The following PANK2 variants were observed in gnomAD, a reference collection of about 807,000 sequenced individuals.
PANK2 encodes pantothenate kinase 2, also known as pantothenate kinase 2, mitochondrial.
PANK2 carries 36 observed loss-of-function variants against 43.1 expected under a neutral mutation model. The ratio of observed to expected loss-of-function variants is 0.84; its 90% CI spans 0.64 to 1.10. The LOEUF is 1.10. Ranked by LOEUF, PANK2 falls within the 50% of genes least tolerant of loss-of-function variation. PANK2 has a pLI of 0.00. For missense variants in PANK2, 576 were observed against 593.3 expected (o/e 0.97, Z 0.30); for synonymous variants, 281 against 238.2 (o/e 1.18, Z -1.66).
chr20:3,920,899 G>C (rs777081343), intron 6 of PANK2, among the ~76,000 whole-genome samples: 12 of 152,084 alleles, frequency 7.9e-5, no homozygotes, highest in Non-Finnish European at 1.8e-4. Context: ...ATAAGCCTTC[G>C]TGAAATTCTT....
chr20:3,888,952 ACGCTGCG>A, upstream of PANK2: 3 of 558,474 alleles, frequency 5.4e-6, no homozygotes, highest in Non-Finnish European at 9.0e-6. Context: ...CAGCGGCCAG[ACGCTGCG>A]GGAGCACTGC....
intron 1 of PANK2, among the ~76,000 whole-genome samples, chr20:3,897,211 A>T (rs1600502057): frequency 6.6e-6 from 1 of 152,224 alleles, no homozygotes; most frequent in Non-Finnish European, 1.5e-5. Flanking sequence ...AAAGGATTTC[A>T]GTCGTTGAGA....
At chr20:3,923,193 T>C in intron 6 of PANK2, 51 bp from the exon 7 acceptor site, 2 of 1,593,252 alleles carry the variant, frequency 1.3e-6, no homozygotes, top group Non-Finnish European at 1.7e-6. Flanking sequence ...GTAAGGTGAT[T>C]TGAATAAGTC....
At chr20:3,901,434 A>ATT in intron 1 of PANK2, 2 of 182,034 alleles carry the variant, frequency 1.1e-5, no homozygotes, top group Non-Finnish European at 2.1e-5. Context: ...TGTGAAAGTC[A>ATT]TTTTTTTTTT....
rs78366707 is a variant in PANK2 at position 3,900,341 on chromosome 20, T to G, written c.299-7585T>G. On this transcript the variant is annotated intron_variant, in intron 1 of 6. Transcript: ENST00000610179. ...TTGTCTGGAGGGGCACCTCTTGTAATGTGAGCATAGCTCTTTGCCAAATGA... is the reference window on the plus strand; with the variant it reads ...TTGTCTGGAGGGGCACCTCTTGTAAGGTGAGCATAGCTCTTTGCCAAATGA... Among the ~76,000 whole-genome samples the G allele has an allele frequency of 1.7e-3, 252 of 151,944 alleles. 1 individual carries two copies. The highest frequency in any genetic ancestry group is 5.7e-3 in the African/African-American group (237 of 41,518).
intron 4 of PANK2, among the ~76,000 whole-genome samples, chr20:3,916,652 T>G (rs1219138179): frequency 2.0e-5 from 3 of 152,206 alleles, no homozygotes; most frequent in African/African-American, 7.2e-5. Context: ...CCAGTGCATC[T>G]GATGAGATTC....
In PANK2 at chr20:3,897,000, T is replaced by C. The variant is rs185793542; in HGVS notation, c.298+7272T>C. Among the ~76,000 whole-genome samples the C allele has an allele frequency of 3.3e-5, 5 of 152,214 alleles. No individual in the cohort carries two copies. The East Asian group carries it at 9.7e-4, about 29-fold the overall frequency. ...TGGCAGAGGTGTGGTGGAGGAGCAG[T>C]CTTGAGGGACTTAGCCCTCGACCTG... On this transcript the variant is annotated intron_variant, in intron 1 of 6. Coordinates refer to ENST00000610179, the MANE Select transcript of PANK2 (RefSeq NM_001386393.1).
chr20:3,889,601 G>T lies in PANK2; in HGVS notation c.171G>T (p.Ala57=). Residue 57 remains alanine (A), a synonymous_variant, in exon 1 of 7, where the codon GCG becomes GCT. Transcript: ENST00000610179. ...GGCAGGAGCCACTGCGGCGCCGGGCGAGCAGCGCGTCGGTGCCCGCGGTCG... is the reference window on the plus strand; with the variant it reads ...GGCAGGAGCCACTGCGGCGCCGGGCTAGCAGCGCGTCGGTGCCCGCGGTCG... The T allele has an allele frequency of 6.6e-7, 1 of 1,518,116 alleles. No individual in the cohort carries two copies. The highest frequency in any genetic ancestry group is 1.2e-5 in the South Asian group (1 of 82,944). The allele number at this position is 1,518,116 out of a possible 1,614,324, so 94.0% of individuals were successfully genotyped here. A position where few individuals can be genotyped will look rare whatever the true frequency, so the allele number is the denominator to read the frequency against.
chr20:3,889,365 G>A, upstream of PANK2: 1 of 1,577,526 alleles, frequency 6.3e-7, no homozygotes, highest in Non-Finnish European at 8.6e-7. Flanking sequence ...CGGAAGAGGC[G>A]GCCGGCCGAG....
At chr20:3,916,851 A>G in intron 4 of PANK2, 76 bp from the exon 5 acceptor site, 1 of 1,593,702 alleles carries the variant, frequency 6.3e-7, no homozygotes, top group East Asian at 2.3e-5. Flanking sequence ...ATTTTATTTC[A>G]ATAAAGTAAC....
Position 3,889,528 on chromosome 20 carries a change from C to G in PANK2, c.98C>G (p.Ser33Cys), listed in dbSNP as rs1439595342. Residue 33 changes from serine to cysteine, a missense_variant, in exon 1 of 7, where the codon TCC becomes TGC. Around this residue, in one of 2 missense-constraint regions of PANK2, gnomAD observed 544 missense variants for 528.9 expected, o/e 1.03. Coordinates refer to ENST00000610179, the MANE Select transcript of PANK2 (RefSeq NM_001386393.1). ...CGCCACGGCAGGGCTTCCGCCACCTCCGTCTCGTCGGCTGGGGAGCAGGCG... is the reference window on the plus strand; with the variant it reads ...CGCCACGGCAGGGCTTCCGCCACCTGCGTCTCGTCGGCTGGGGAGCAGGCG... The G allele has an allele frequency of 7.0e-7, 1 of 1,426,782 alleles. No homozygotes were observed. The highest frequency in any genetic ancestry group is 1.5e-5 in the South Asian group (1 of 67,400). The allele number at this position is 1,426,782 out of a possible 1,614,324, so 88.4% of individuals were successfully genotyped here.
At chr20:3,897,798 C>T (rs929324016) in intron 1 of PANK2, among the ~76,000 whole-genome samples, 3 of 152,062 alleles carry the variant, frequency 2.0e-5, no homozygotes, top group Non-Finnish European at 2.9e-5. Flanking sequence ...GTTGAGGTTA[C>T]GAGTTCAAGA....
intron 4 of PANK2, among the ~76,000 whole-genome samples, chr20:3,913,489 A>G (rs1159633265): frequency 6.6e-6 from 1 of 151,750 alleles, no homozygotes; most frequent in Admixed American, 6.6e-5. Context: ...GATTACAGGC[A>G]TGCGCCACCA....
upstream of PANK2, chr20:3,889,046 C>G (rs2090060454): frequency 1.4e-6 from 2 of 1,434,306 alleles, no homozygotes; most frequent in Non-Finnish European, 1.9e-6. Context: ...CAGGAGAGTT[C>G]CGCGGCCCGG....
rs1046729224 is a variant in PANK2 at position 3,893,924 on chromosome 20, G to GT, written c.298+4202dup. 1.2e-3 allele frequency among the ~76,000 whole-genome samples: 155 copies of GT among 124,890 alleles called. 7 individuals are homozygous for GT. Among genetic ancestry groups the GT allele is most frequent in the African/African-American group, 4.3e-3 (132 of 30,576 alleles). 81.9% of individuals were successfully genotyped at this position (124,890 alleles called of 152,430 possible). ...CAAGATGGGAGTTTTTTTTTTGTTT[G>GT]TTTTTTGTTTTTTTTTTTTTTTTTT... On this transcript the variant is annotated intron_variant, in intron 1 of 6. Coordinates refer to ENST00000610179, the MANE Select transcript of PANK2 (RefSeq NM_001386393.1).
chr20:3,908,430 C>A, intron 2 of PANK2, 152 bp downstream of exon 2: 1 of 788,032 alleles, frequency 1.3e-6, no homozygotes, highest in Non-Finnish European at 2.0e-6. Flanking sequence ...TAGGAGTTGG[C>A]CATCTAGAGG....
chr20:3,921,222 C>G (rs1034829255), intron 6 of PANK2: 1 of 146,554 alleles, frequency 6.8e-6, no homozygotes, highest in Non-Finnish European at 1.5e-5. Context: ...CATGGCAGGC[C>G]CTGGTGTGGG....
chr20:3,907,301 A>G (rs1241669695), intron 1 of PANK2, among the ~76,000 whole-genome samples: 2 of 151,842 alleles, frequency 1.3e-5, no homozygotes, highest in East Asian at 1.9e-4. Flanking sequence ...GTTTTACCAT[A>G]TTGGTCAGGC....
chr20:3,904,582 TAAAAG>T (rs1036158289), intron 1 of PANK2, among the ~76,000 whole-genome samples: 10 of 152,186 alleles, frequency 6.6e-5, no homozygotes, highest in Non-Finnish European at 1.3e-4. Context: ...AAAATAAAAA[TAAAAG>T]GTGAAAAATA....
Sources: allele counts gnomAD v4.1 joint callset (sites outside exome capture counted in the v4.1 genomes callset), GRCh38; gene constraint gnomAD v4.1.1; regional missense constraint gnomAD v4.1.1; transcripts MANE v1.5; gene names NCBI Gene and HGNC (gene_info 2026-07-23, HGNC 2026-07-21).